EPB41: variants seen among roughly 807,000 people sequenced by gnomAD.
The protein encoded by EPB41 is erythrocyte membrane protein band 4.1, also known as protein 4.1.
Under a neutral mutation model 108.0 loss-of-function variants are expected in EPB41, and 65 were observed. The ratio of observed to expected loss-of-function variants is 0.60; its 90% CI spans 0.49 to 0.74. The LOEUF is 0.74. EPB41 is among the 30% of genes least tolerant of loss of function. The pLI, the probability that EPB41 is intolerant of heterozygous loss-of-function variation, is 0.00. For missense variants in EPB41, 875 were observed against 1,037.0 expected, an observed-to-expected ratio of 0.84 and a Z score of 2.15; for synonymous variants, 336 against 358.9, an observed-to-expected ratio of 0.94 and a Z score of 0.72.
chr1:28,942,149 T>G (rs1336500184), intron 1 of EPB41, among the ~76,000 whole-genome samples: 1 of 152,210 alleles, frequency 6.6e-6, no homozygotes, highest in African/African-American at 2.4e-5. Context: ...TCACAGCACT[T>G]TTGACACCAG....
chr1:29,011,992 C>T, intron 5 of EPB41, 85 bp downstream of exon 5: 1 of 1,446,998 alleles, frequency 6.9e-7, no homozygotes, highest in South Asian at 1.2e-5. Context: ...GTGAGTCAGT[C>T]ACTTTAGAAT....
intron 1 of EPB41, among the ~76,000 whole-genome samples, chr1:28,975,307 T>C (rs180859561): frequency 1.1e-3 from 169 of 152,286 alleles, no homozygotes; most frequent in African/African-American, 3.9e-3. Flanking sequence ...GGATCTGATA[T>C]GCAACTGCCT....
At chr1:28,980,105 G>C (rs2095701945) in intron 1 of EPB41, among the ~76,000 whole-genome samples, 1 of 152,156 alleles carries the variant, frequency 6.6e-6, no homozygotes, top group Non-Finnish European at 1.5e-5. Context: ...GGCCAAGACG[G>C]GAAGATCACT....
intron 16 of EPB41, among the ~76,000 whole-genome samples, chr1:29,092,360 G>A (rs1661570897): frequency 6.6e-6 from 1 of 151,852 alleles, no homozygotes; most frequent in South Asian, 2.1e-4. Context: ...CCAAAGTGCT[G>A]GGATTACAGG....
intron 1 of EPB41, among the ~76,000 whole-genome samples, chr1:28,935,229 G>A (rs1057086940): frequency 1.3e-5 from 2 of 151,860 alleles, no homozygotes; most frequent in African/African-American, 2.4e-5. Context: ...TCAGGAATTC[G>A]AGACCAGCAT....
At chr1:29,065,960 CT>C (rs1402413549) in intron 16 of EPB41, 1 of 137,938 alleles carries the variant, frequency 7.2e-6, no homozygotes, top group African/African-American at 2.8e-5. Context: ...GAGTGAGACC[CT>C]GTCTCAAAAA....
At chr1:28,924,937 C>T (rs2093352538) in intron 1 of EPB41, among the ~76,000 whole-genome samples, 1 of 150,480 alleles carries the variant, frequency 6.6e-6, no homozygotes, top group South Asian at 2.1e-4. Flanking sequence ...GCTGAGACTA[C>T]AGGCACACAC....
intron 1 of EPB41, among the ~76,000 whole-genome samples, chr1:28,907,530 GGAA>G (rs1250517063): frequency 6.6e-6 from 1 of 152,120 alleles, no homozygotes; most frequent in Non-Finnish European, 1.5e-5. Context: ...AGGGCCAGAG[GGAA>G]GAAGATTGAA....
At chr1:28,928,299 A>G (rs2093562276) in intron 1 of EPB41, among the ~76,000 whole-genome samples, 2 of 152,132 alleles carry the variant, frequency 1.3e-5, no homozygotes, top group Non-Finnish European at 2.9e-5. Flanking sequence ...CTCTAAATAC[A>G]GAGGAGAAGG....
In EPB41 at chr1:29,096,292, G is replaced by A. The variant is rs77402778; in HGVS notation, c.2185-1515G>A. On this transcript the variant is annotated intron_variant, in intron 16 of 20. Coordinates refer to ENST00000343067, the MANE Select transcript of EPB41 (RefSeq NM_001376013.1). The stretch of plus-strand genomic sequence containing the variant: ...AGATGACCACCTCGTCGGAGTCTCT[G>A]CAAAGCTTTGCCTTTGGCTCCCTCT... 1,627 of 985,896 alleles carry A rather than the reference G, an allele frequency of 1.7e-3. 14 individuals carry two copies. The African/African-American group carries it at 0.026, about 16-fold the overall frequency. 61.1% of individuals were successfully genotyped at this position (985,896 alleles called of 1,614,324 possible).
intron 18 of EPB41, 83 bp downstream of exon 18, chr1:29,109,520 C>T (rs922524739): frequency 5.3e-6 from 6 of 1,139,322 alleles, no homozygotes. Flanking sequence ...GGACCCTAGT[C>T]CATAAGCAAA....
chr1:28,897,273 G>T (rs35495299), intron 1 of EPB41, among the ~76,000 whole-genome samples: 73,811 of 151,750 alleles, frequency 0.49, 20,144 homozygotes, highest in East Asian at 0.79. Context: ...GAATCACCAG[G>T]CCTGGTGGCT....
At chr1:28,902,227 A>G (rs866198886) in intron 1 of EPB41, 4 of 985,202 alleles carry the variant, frequency 4.1e-6, no homozygotes, top group African/African-American at 1.7e-5. Flanking sequence ...AGCTGGGTCA[A>G]CCCTGAGGCT....
chr1:28,973,315 G>A (rs2095533567), intron 1 of EPB41, among the ~76,000 whole-genome samples: 1 of 152,128 alleles, frequency 6.6e-6, no homozygotes, highest in Non-Finnish European at 1.5e-5. Context: ...TGTCCTTGGG[G>A]ATATTGGGGG....
At chr1:28,888,973 G>A (rs767497177) in intron 1 of EPB41, among the ~76,000 whole-genome samples, 13 of 152,200 alleles carry the variant, frequency 8.5e-5, no homozygotes, top group Non-Finnish European at 1.6e-4. Context: ...CAAGGAGGTA[G>A]GAGGCTTGAG....
chr1:28,887,732 G>T lies in EPB41; in HGVS notation c.-8+522G>T. ...CTTTGAGTTTCCGGACCCAGGAACC[G>T]ACCCGCCAGCTGGGGCGCCGGCTGT... On this transcript the variant is annotated intron_variant, in intron 1 of 16. Coordinates refer to the EPB41 transcript ENST00000347529. This position sits in a 1 kb window ranked among gnomAD's most constrained non-coding sequence, Gnocchi z 4.9. 2 of 975,998 alleles carry T rather than the reference G, an allele frequency of 2.0e-6. No individual in the cohort carries two copies. The highest frequency in any genetic ancestry group is 2.4e-6 in the Non-Finnish European group (2 of 821,384). The allele number at this position is 975,998 out of a possible 1,614,324, so 60.5% of individuals were successfully genotyped here. A position where few individuals can be genotyped will look rare whatever the true frequency, so the allele number is the denominator to read the frequency against.
At chr1:29,066,512 C>G (rs1459839646) in intron 16 of EPB41, among the ~76,000 whole-genome samples, 5 of 151,926 alleles carry the variant, frequency 3.3e-5, no homozygotes, top group African/African-American at 4.8e-5. Context: ...GAACATATAC[C>G]CCAAAAGTTT....
At chr1:28,982,140 C>A (rs946204544) in intron 1 of EPB41, 1 of 312,772 alleles carries the variant, frequency 3.2e-6, no homozygotes, top group Non-Finnish European at 6.3e-6. Flanking sequence ...TGAGAACATG[C>A]GGTGTTTGGA....
intron 5 of EPB41, among the ~76,000 whole-genome samples, chr1:29,015,341 T>G (rs1038576452): frequency 6.6e-6 from 1 of 152,178 alleles, no homozygotes; most frequent in Non-Finnish European, 1.5e-5. Context: ...GTGGATCGCC[T>G]GAGGTTGGGA....
Sources: gnomAD v4.1 joint callset for allele counts (sites outside exome capture counted in the v4.1 genomes callset) on GRCh38, gnomAD v4.1.1 for gene constraint, Gnocchi (gnomAD v3.1) non-coding constraint, MANE v1.5 for transcripts, NCBI Gene and HGNC (gene_info 2026-07-23, HGNC 2026-07-21) for gene names.